SKP2: variants seen among roughly 807,000 people sequenced by gnomAD.
SKP2 encodes the protein S-phase kinase associated protein 2, also known as S-phase kinase-associated protein 2.
Under a neutral mutation model 51.8 loss-of-function variants are expected in SKP2, and 16 were observed. The observed-to-expected ratio is 0.31, with a 90% CI of 0.21 to 0.47. SKP2 has a LOEUF of 0.47. Ranked by LOEUF, SKP2 falls within the 20% of genes least tolerant of loss-of-function variation. SKP2 has a pLI of 1.00. For synonymous variants in SKP2, 176 were observed against 198.6 expected (o/e 0.89, Z 0.96); for missense variants, 377 against 505.3 (o/e 0.75, Z 2.43).
chr5:36,190,409 T>G (rs893232564), intron 6 of SKP2, among the ~76,000 whole-genome samples: 5 of 151,918 alleles, frequency 3.3e-5, no homozygotes, highest in Admixed American at 6.6e-5. Context: ...AGTAATATAT[T>G]TACAAAACAT....
chr5:36,153,780 C>T (rs541658492), intron 2 of SKP2, among the ~76,000 whole-genome samples: 4 of 152,292 alleles, frequency 2.6e-5, no homozygotes, highest in African/African-American at 9.6e-5. Context: ...GTAGAACTTA[C>T]TGTATCTTCC....
rs865813971 is a variant in SKP2 at position 36,168,425 on chromosome 5, C to T, written c.649C>T (p.Arg217Trp). Residue 217 changes from arginine (R) to tryptophan (W), a missense_variant, in exon 5 of 10, where the codon CGG becomes TGG. Physicochemically the swap from Arg to Trp is moderately radical, Grantham distance 101. Transcript: ENST00000274255. ...KLQNLSLEGL[R>W]LSDPIVNTLA... The stretch of plus-strand genomic sequence containing the variant: ...GCAGAATCTAAGCCTGGAAGGCCTG[C>T]GGCTTTCGGATCCCATTGTCAAGTG... 18 of 1,613,964 alleles carry T rather than the reference C, an allele frequency of 1.1e-5. 1 individual carries two copies. The Middle Eastern group carries it at 1.2e-3, about 103-fold the overall frequency.
downstream of SKP2, among the ~76,000 whole-genome samples, chr5:36,186,242 A>C (rs956850061): frequency 5.9e-5 from 9 of 152,134 alleles, no homozygotes; most frequent in Admixed American, 3.9e-4. Context: ...AATACGCTTT[A>C]TTTCTTTCTC....
At chr5:36,175,266 A>G (rs780841706) in intron 7 of SKP2, among the ~76,000 whole-genome samples, 1 of 152,156 alleles carries the variant, frequency 6.6e-6, no homozygotes, top group African/African-American at 2.4e-5. Context: ...TCGTGAAATT[A>G]TCACTTGCTG....
rs562172111 is a variant in SKP2 at position 36,176,939 on chromosome 5, C to A, written c.902-26C>A. ...TGTCTTGTTCCTCATTTAATAGTGA[C>A]CATCATGTTTTTTTGCTTTTCCTAG... is the stretch of plus-strand genomic sequence containing the variant. On this transcript the variant is annotated intron_variant, in intron 7 of 9. Coordinates refer to ENST00000274255, the MANE Select transcript of SKP2 (RefSeq NM_005983.4). 3.2e-5 allele frequency: 47 copies of A among 1,483,432 alleles called. No individual in the cohort carries two copies. In the South Asian group the frequency reaches 4.4e-4, roughly 14 times the overall value. 91.9% of individuals were successfully genotyped at this position (1,483,432 alleles called of 1,614,324 possible).
chr5:36,193,422 C>T (rs1188159685), intron 7 of SKP2: 3 of 141,486 alleles, frequency 2.1e-5, no homozygotes, highest in South Asian at 2.2e-4. Flanking sequence ...GTTGCAGAGC[C>T]GAGATCATGC....
Position 36,183,061 on chromosome 5 carries a change from C to G in SKP2, c.*1030C>G. 1 of 971,584 alleles carries G rather than the reference C, an allele frequency of 1.0e-6. No individual in the cohort carries two copies. The highest frequency in any genetic ancestry group is 4.8e-5 in the South Asian group (1 of 21,022). 60.2% of individuals were successfully genotyped at this position (971,584 alleles called of 1,614,324 possible). ...CTATCCATATATAAGGTTATCAGACCTACAGTTCCCTAAGAGGAACTGCAT... is the reference window on the plus strand; with the variant it reads ...CTATCCATATATAAGGTTATCAGACGTACAGTTCCCTAAGAGGAACTGCAT... On this transcript the variant is annotated 3_prime_UTR_variant, in exon 10 of 10. Transcript: ENST00000274255.
rs552209717 is a variant in SKP2, at chr5:36,181,646, A to G, written c.1062-172A>G. On this transcript the variant is annotated intron_variant, in intron 9 of 9. Coordinates refer to ENST00000274255, the MANE Select transcript of SKP2 (RefSeq NM_005983.4). ...CCTAATGACATGTTGCTCAAGCTAT[A>G]TGGTCTGTGCTTTCCAGTTTAATTT... is the stretch of plus-strand genomic sequence containing the variant. Among the ~76,000 whole-genome samples, 52 of 152,336 alleles carry G rather than the reference A, an allele frequency of 3.4e-4. No individual in the cohort carries two copies. The South Asian group carries it at 0.011, about 32-fold the overall frequency.
intron 7 of SKP2, among the ~76,000 whole-genome samples, chr5:36,172,197 C>T (rs909001335): frequency 8.5e-5 from 13 of 152,114 alleles, no homozygotes; most frequent in East Asian, 1.9e-4. Context: ...TGCTGGTGGA[C>T]GGTGTATAGG....
At chr5:36,163,250 A>G (rs575499594) in intron 2 of SKP2, among the ~76,000 whole-genome samples, 49 of 152,296 alleles carry the variant, frequency 3.2e-4, no homozygotes, top group Admixed American at 3.1e-3. Flanking sequence ...TGAATTGACA[A>G]TGTCATTGAA....
chr5:36,177,668 T>TTAAC (rs1745678179), intron 9 of SKP2, among the ~76,000 whole-genome samples: 1 of 151,942 alleles, frequency 6.6e-6, no homozygotes, highest in African/African-American at 2.4e-5. Context: ...ATTTTTCGGA[T>TTAAC]TAACTCCAGT....
chr5:36,191,407 T>C (rs1009343442), intron 6 of SKP2, among the ~76,000 whole-genome samples: 1 of 151,948 alleles, frequency 6.6e-6, no homozygotes, highest in African/African-American at 2.4e-5. Flanking sequence ...TTTTTTTTTT[T>C]TTAGCCAGGA....
chr5:36,170,478 T>G (rs1007653126), intron 6 of SKP2, 36 bp downstream of exon 6: 3 of 1,241,294 alleles, frequency 2.4e-6, no homozygotes, highest in Non-Finnish European at 3.5e-6. Flanking sequence ...TAGACTCTTA[T>G]GTCAAACGTA....
chr5:36,168,179 G>A (rs1745350328), intron 4 of SKP2, 134 bp from the exon 5 acceptor site: 2 of 765,460 alleles, frequency 2.6e-6, no homozygotes, highest in Non-Finnish European at 2.2e-6. Flanking sequence ...TGACCCTATA[G>A]TTAATGCTTG....
rs563445614 is a variant in SKP2, at chr5:36,182,578, A to T, written c.*547A>T. ...ATTTGAATTTTGCCTTTAGATTTGAAATTAGGTTAATAGAAATAAGTAACC... is the reference window on the plus strand; with the variant it reads ...ATTTGAATTTTGCCTTTAGATTTGATATTAGGTTAATAGAAATAAGTAACC... On this transcript the variant is annotated 3_prime_UTR_variant, in exon 10 of 10. Coordinates refer to ENST00000274255, the MANE Select transcript of SKP2 (RefSeq NM_005983.4). 2,060 of 983,632 alleles carry T rather than the reference A, an allele frequency of 2.1e-3. 9 individuals carry two copies. The highest frequency in any genetic ancestry group is 0.015 in the South Asian group (318 of 21,262). The allele number at this position is 983,632 out of a possible 1,614,324, so 60.9% of individuals were successfully genotyped here.
chr5:36,166,600 A>G lies in SKP2; in HGVS notation c.474A>G (p.Gln158=). ...HPDVTGRLLS[Q]GVIAFRCPRS... ...ATGTGACTGGTCGGTTGCTGTCTCA[A>G]GGGGTGATTGCCTTCCGCTGCCCAC... Residue 158 remains glutamine, a synonymous_variant, in exon 4 of 10, where the codon CAA becomes CAG. Transcript: ENST00000274255. 3 of 1,613,928 alleles carry G rather than the reference A, an allele frequency of 1.9e-6. No homozygotes were observed. The highest frequency in any genetic ancestry group is 1.7e-6 in the Non-Finnish European group (2 of 1,179,824).
Position 36,182,464 on chromosome 5 carries a change from CTATTTG to C in SKP2, c.*438_*443del, listed in dbSNP as rs1307048323. 1 of 989,384 alleles carries C rather than the reference CTATTTG, an allele frequency of 1.0e-6. No individual in the cohort carries two copies. Among genetic ancestry groups the C allele is most frequent in the African/African-American group, 1.7e-5 (1 of 57,240 alleles). The allele number at this position is 989,384 out of a possible 1,614,324, so 61.3% of individuals were successfully genotyped here. On this transcript the variant is annotated 3_prime_UTR_variant, in exon 10 of 10. Coordinates refer to ENST00000274255, the MANE Select transcript of SKP2 (RefSeq NM_005983.4). ...TAAGACAGCTTAGAAGAACAATAAGCTATTTGTATTATGAGCTGAACAAAAAGAGAA... is the reference window on the plus strand; with the variant it reads ...TAAGACAGCTTAGAAGAACAATAAGCTATTATGAGCTGAACAAAAAGAGAA...
intron 3 of SKP2, among the ~76,000 whole-genome samples, chr5:36,166,121 T>C (rs1745279510): frequency 6.6e-6 from 1 of 152,232 alleles, no homozygotes; most frequent in Non-Finnish European, 1.5e-5. Flanking sequence ...TTGACAAAAG[T>C]GTCAAATAGA....
At chr5:36,191,984 A>G (rs1746035194) in intron 6 of SKP2, among the ~76,000 whole-genome samples, 1 of 152,210 alleles carries the variant, frequency 6.6e-6, no homozygotes, top group African/African-American at 2.4e-5. Flanking sequence ...GTATTTTTAC[A>G]TTTCTCTAAA....
Sources: allele counts gnomAD v4.1 joint callset (sites outside exome capture counted in the v4.1 genomes callset), GRCh38; gene constraint gnomAD v4.1.1; transcripts MANE v1.5; gene names NCBI Gene and HGNC (gene_info 2026-07-23, HGNC 2026-07-21).